RSL24D1: variants seen among roughly 807,000 people sequenced by gnomAD.
RSL24D1 encodes the protein probable ribosome biogenesis protein RLP24.
A neutral mutation model predicts 26.2 loss-of-function variants in RSL24D1; 6 were observed. The observed-to-expected ratio is 0.23, with a 90% confidence interval of 0.13 to 0.45. The LOEUF (loss-of-function observed/expected upper bound fraction) is 0.45, where lower values mean the gene tolerates loss of function less well. Among genes scored for constraint, RSL24D1 ranks in the 20% least tolerant of loss-of-function variants. The pLI, the probability that RSL24D1 is intolerant of heterozygous loss-of-function variation, is 0.99. For synonymous variants in RSL24D1, 61 were observed against 59.1 expected (o/e 1.03, Z -0.15); for missense variants, 176 against 202.6 (o/e 0.87, Z 0.80).
intron 2 of RSL24D1, 66 bp downstream of exon 2, chr15:55,192,654 A>C: frequency 9.1e-7 from 1 of 1,104,950 alleles, no homozygotes; most frequent in Non-Finnish European, 1.4e-6. Context: ...ATTAGATGAC[A>C]TATACCCTTC....
At chr15:55,183,690 A>C (rs1894194307) in intron 4 of RSL24D1, among the ~76,000 whole-genome samples, 1 of 152,152 alleles carries the variant, frequency 6.6e-6, no homozygotes, top group South Asian at 2.1e-4. Flanking sequence ...ATTTATTCCC[A>C]AATCTAAGGT....
rs557992515 is a variant in RSL24D1, at chr15:55,183,841, C to T, written c.333-441G>A. Among the ~76,000 whole-genome samples the T allele has an allele frequency of 2.0e-5, 3 of 152,224 alleles. No individual in the cohort carries two copies. In the South Asian group the frequency reaches 6.2e-4, roughly 32 times the overall value. ...TTATTCATTCATTCATTCTTTGTAC[C>T]TAGACTGGCACGAAATGGGAGCTCA... On this transcript the variant is annotated intron_variant, in intron 4 of 5. Transcript: ENST00000260443.
chr15:55,184,752 C>T (rs887457356), intron 4 of RSL24D1, among the ~76,000 whole-genome samples: 3 of 152,148 alleles, frequency 2.0e-5, no homozygotes, highest in Non-Finnish European at 4.4e-5. Flanking sequence ...AGCAAGGTGA[C>T]ATCATGTGCT....
intron 3 of RSL24D1, 108 bp downstream of exon 3, chr15:55,190,867 A>T (rs1894289186): frequency 4.1e-6 from 3 of 723,542 alleles, no homozygotes; most frequent in Non-Finnish European, 7.0e-6. Context: ...AAGCCAAGGA[A>T]TGATAAATGG....
intron 3 of RSL24D1, among the ~76,000 whole-genome samples, chr15:55,190,093 C>T (rs1894276250): frequency 6.6e-6 from 1 of 151,900 alleles, no homozygotes; most frequent in Non-Finnish European, 1.5e-5. Flanking sequence ...ACTAAAAATA[C>T]AAAAATTAGC....
chr15:55,191,999 T>C (rs1262100668), intron 2 of RSL24D1, among the ~76,000 whole-genome samples: 1 of 152,230 alleles, frequency 6.6e-6, no homozygotes, highest in African/African-American at 2.4e-5. Context: ...TTTACATTCA[T>C]TGCAAAGCTC....
chr15:55,196,727 C>T lies in RSL24D1; in HGVS notation c.81+83G>A, dbSNP rs991047169. ...AGGAACCCGGGCCAAACACGGCAGACGCAGAAGCACCCAGCACCGAGCCGC... is the reference window on the plus strand; with the variant it reads ...AGGAACCCGGGCCAAACACGGCAGATGCAGAAGCACCCAGCACCGAGCCGC... On this transcript the variant is annotated intron_variant, in intron 1 of 5. Coordinates refer to ENST00000260443, the MANE Select transcript of RSL24D1 (RefSeq NM_016304.3). 21 of 1,347,740 alleles carry T rather than the reference C, an allele frequency of 1.6e-5. 1 individual carries two copies. The South Asian group carries it at 2.5e-4, about 16-fold the overall frequency. The allele number at this position is 1,347,740 out of a possible 1,614,324, so 83.5% of individuals were successfully genotyped here.
chr15:55,192,307 C>G (rs1894306769), intron 2 of RSL24D1: 1 of 156,120 alleles, frequency 6.4e-6, no homozygotes, highest in Non-Finnish European at 1.4e-5. Flanking sequence ...CTCTCTAGTT[C>G]TCCTCACACC....
chr15:55,185,259 C>T (rs1042139835), intron 4 of RSL24D1, 103 bp downstream of exon 4: 2 of 719,862 alleles, frequency 2.8e-6, no homozygotes, highest in Non-Finnish European at 4.4e-6. Context: ...TTTGGTAAGT[C>T]TGAAGTTATG....
chr15:55,190,388 G>A (rs1894282879), intron 3 of RSL24D1, among the ~76,000 whole-genome samples: 1 of 147,894 alleles, frequency 6.8e-6, no homozygotes, highest in African/African-American at 2.6e-5. Context: ...GCCTATTTCA[G>A]GGAAAAAAAA....
At chr15:55,196,708 C>G in intron 1 of RSL24D1, 102 bp downstream of exon 1, 1 of 1,130,570 alleles carries the variant, frequency 8.8e-7, no homozygotes, top group East Asian at 2.5e-5. Context: ...CGGGAGGAAC[C>G]CGGGCCAAAC....
chr15:55,188,573 C>G (rs543356204), intron 3 of RSL24D1, among the ~76,000 whole-genome samples: 1 of 152,274 alleles, frequency 6.6e-6, no homozygotes, highest in African/African-American at 2.4e-5. Flanking sequence ...TTGTATGCCA[C>G]AGGCAGTGCT....
intron 1 of RSL24D1, among the ~76,000 whole-genome samples, chr15:55,193,784 C>T (rs1292542273): frequency 6.6e-6 from 1 of 152,124 alleles, no homozygotes; most frequent in African/African-American, 2.4e-5. Flanking sequence ...GATCCAGGCC[C>T]ATACCTCCTA....
At chr15:55,196,711 G>A in intron 1 of RSL24D1, 99 bp downstream of exon 1, 1 of 1,157,890 alleles carries the variant, frequency 8.6e-7, no homozygotes, top group Middle Eastern at 1.9e-4. Context: ...GAGGAACCCG[G>A]GCCAAACACG....
At chr15:55,195,592 C>A (rs574350904) in intron 1 of RSL24D1, 1 of 152,288 alleles carries the variant, frequency 6.6e-6, no homozygotes, top group African/African-American at 2.4e-5. Flanking sequence ...GACAAGCATC[C>A]TGGACGAAAA....
At chr15:55,194,411 A>C (rs1894332084) in intron 1 of RSL24D1, 1 of 152,202 alleles carries the variant, frequency 6.6e-6, no homozygotes, top group South Asian at 2.1e-4. Context: ...TGTAATATGT[A>C]AACACATATG....
At chr15:55,193,080 T>C (rs1190048701) in intron 1 of RSL24D1, among the ~76,000 whole-genome samples, 1 of 152,220 alleles carries the variant, frequency 6.6e-6, no homozygotes, top group African/African-American at 2.4e-5. Flanking sequence ...AGTAAAATTA[T>C]TTCAAATAAA....
intron 3 of RSL24D1, among the ~76,000 whole-genome samples, chr15:55,188,385 C>T (rs1173816906): frequency 6.6e-5 from 10 of 152,156 alleles, no homozygotes; most frequent in African/African-American, 2.4e-4. Flanking sequence ...AAAAGGAAAG[C>T]AGAATCAGTG....
rs1595650613 is a variant in RSL24D1 at position 55,183,568 on chromosome 15, G to GC, written c.333-169dup. 2.0e-5 allele frequency among the ~76,000 whole-genome samples: 3 copies of GC among 151,876 alleles called. No individual in the cohort carries two copies. The East Asian group carries it at 5.8e-4, about 29-fold the overall frequency. ...CACTCCCCTTTCTTCTCCCCACAAC[G>GC]CCCCCCATCCAGCAGGAGCATCAAC... is the stretch of plus-strand genomic sequence containing the variant. On this transcript the variant is annotated intron_variant, in intron 4 of 5. Transcript: ENST00000260443.
Sources: gnomAD v4.1 joint callset for allele counts (sites outside exome capture counted in the v4.1 genomes callset) on GRCh38, gnomAD v4.1.1 for gene constraint, MANE v1.5 for transcripts, NCBI Gene and HGNC (gene_info 2026-07-23, HGNC 2026-07-21) for gene names.